The following TNFSF8 variants were observed in gnomAD, a reference collection of about 807,000 sequenced individuals.
The protein encoded by TNFSF8 is tumor necrosis factor ligand superfamily member 8.
Under a neutral mutation model 22.0 loss-of-function variants are expected in TNFSF8, and 4 were observed. The ratio of observed to expected loss-of-function variants is 0.18; its 90% confidence interval spans 0.09 to 0.42. The LOEUF is 0.42. TNFSF8 is among the 10% of genes least tolerant of loss of function. The pLI is 1.00. For missense variants in TNFSF8, 233 were observed against 281.8 expected, an observed-to-expected ratio of 0.83 and a Z score of 1.24; for synonymous variants, 106 against 112.5, an observed-to-expected ratio of 0.94 and a Z score of 0.37.
At chr9:114,894,268 T>G (rs1827635808) in intron 4 of TNFSF8, 1 of 916,726 alleles carries the variant, frequency 1.1e-6, no homozygotes. Flanking sequence ...GGGAGGCAAA[T>G]GTACAATCAT....
At chr9:114,915,104 T>C (rs1336212216) in intron 2 of TNFSF8, among the ~76,000 whole-genome samples, 2 of 152,144 alleles carry the variant, frequency 1.3e-5, no homozygotes, top group Non-Finnish European at 2.9e-5. Context: ...TGAAGCTTCC[T>C]CCCAAGAGTA....
chr9:114,930,086 G>A (rs1828119531), intron 1 of TNFSF8, 23 bp downstream of exon 1: 2 of 1,428,908 alleles, frequency 1.4e-6, no homozygotes, highest in Non-Finnish European at 1.8e-6. Context: ...GAAAAGGAAA[G>A]GGAGGAAGAG....
chr9:114,906,751 G>T (rs1282331693), intron 2 of TNFSF8, among the ~76,000 whole-genome samples: 5 of 152,016 alleles, frequency 3.3e-5, no homozygotes, highest in African/African-American at 7.3e-5. Flanking sequence ...CACTAGTGAT[G>T]GTGGCTTAGC....
chr9:114,904,388 C>A, intron 3 of TNFSF8, 63 bp from the exon 4 acceptor site: 1 of 1,525,982 alleles, frequency 6.6e-7, no homozygotes, highest in South Asian at 1.3e-5. Context: ...TTGCAAAATT[C>A]TAAGTCTTTG....
rs138262172 is a variant in TNFSF8 at position 114,893,657 on chromosome 9, A to G, written c.*422T>C. 5.7e-3 allele frequency: 953 copies of G among 166,428 alleles called. 10 individuals carry two copies. The highest frequency in any genetic ancestry group is 0.021 in the African/African-American group (889 of 41,824). The allele number at this position is 166,428 out of a possible 1,614,324, so 10.3% of individuals were successfully genotyped here. A position where few individuals can be genotyped will look rare whatever the true frequency, so the allele number is the denominator to read the frequency against. ...CTAGAACAACAAAGTGATTGTAGAT[A>G]AGAATGAGTCACCTAAACATTGGAA... On this transcript the variant is annotated 3_prime_UTR_variant, in exon 5 of 5. Transcript: ENST00000618336.
At chr9:114,905,443 G>A (rs75573992) in intron 3 of TNFSF8, among the ~76,000 whole-genome samples, 126 of 152,168 alleles carry the variant, frequency 8.3e-4, no homozygotes, top group African/African-American at 2.7e-3. Flanking sequence ...CAGAGATTAA[G>A]TGCCTGCCTC....
chr9:114,907,939 C>G (rs530860173), intron 2 of TNFSF8, among the ~76,000 whole-genome samples: 4 of 152,168 alleles, frequency 2.6e-5, no homozygotes, highest in Non-Finnish European at 5.9e-5. Context: ...GCTGCCTGAC[C>G]GCTGCCCGAA....
At chr9:114,917,978 C>T in intron 2 of TNFSF8, 118 bp downstream of exon 2, 1 of 1,011,912 alleles carries the variant, frequency 9.9e-7, no homozygotes, top group South Asian at 1.8e-5. Flanking sequence ...TCCACCCCTA[C>T]CCACTTTACT....
At chr9:114,921,359 A>G (rs559781381) in intron 1 of TNFSF8, among the ~76,000 whole-genome samples, 4 of 152,316 alleles carry the variant, frequency 2.6e-5, no homozygotes, top group Non-Finnish European at 4.4e-5. Flanking sequence ...CAGTCCATCA[A>G]GCTAATTTTA....
downstream of TNFSF8, among the ~76,000 whole-genome samples, chr9:114,898,548 G>A (rs895733067): frequency 1.3e-5 from 2 of 152,170 alleles, no homozygotes; most frequent in African/African-American, 4.8e-5. Context: ...TGTTAATTGA[G>A]TAGGAAGTGA....
At chr9:114,907,686 G>A (rs959192802) in intron 2 of TNFSF8, among the ~76,000 whole-genome samples, 1 of 152,052 alleles carries the variant, frequency 6.6e-6, no homozygotes, top group Non-Finnish European at 1.5e-5. Context: ...TAATAATAAC[G>A]AGGAGGAACA....
chr9:114,905,970 C>T, intron 2 of TNFSF8, 71 bp from the exon 3 acceptor site: 2 of 998,270 alleles, frequency 2.0e-6, no homozygotes, highest in Non-Finnish European at 3.2e-6. Flanking sequence ...TGATCTTTTT[C>T]TACAACACTT....
intron 1 of TNFSF8, among the ~76,000 whole-genome samples, chr9:114,926,088 T>C (rs1385658123): frequency 6.6e-6 from 1 of 152,246 alleles, no homozygotes; most frequent in Non-Finnish European, 1.5e-5. Context: ...TGTACAATTG[T>C]GCTTGCTCAA....
In TNFSF8 at chr9:114,902,147, T is replaced by C; in HGVS notation, c.*1784A>G. ...AAATAAGATGTTCCTCCAAAGATGA[T>C]GTACAGATGCCAAGTTGGATATAGC... On this transcript the variant is annotated 3_prime_UTR_variant, in exon 4 of 4. Coordinates refer to ENST00000223795, the MANE Select transcript of TNFSF8 (RefSeq NM_001244.4). 1.0e-6 allele frequency: 1 copy of C among 985,348 alleles called. No individual in the cohort carries two copies. The highest frequency in any genetic ancestry group is 1.2e-6 in the Non-Finnish European group (1 of 829,920). The allele number at this position is 985,348 out of a possible 1,614,324, so 61.0% of individuals were successfully genotyped here.
chr9:114,925,561 T>G (rs1828047019), intron 1 of TNFSF8, among the ~76,000 whole-genome samples: 1 of 152,146 alleles, frequency 6.6e-6, no homozygotes, highest in Middle Eastern at 3.2e-3. Flanking sequence ...TACCCTACAC[T>G]TCTATTTTGT....
At chr9:114,923,407 G>A (rs908008334) in intron 1 of TNFSF8, among the ~76,000 whole-genome samples, 7 of 151,990 alleles carry the variant, frequency 4.6e-5, no homozygotes, top group African/African-American at 1.7e-4. Flanking sequence ...ATTAAGAAAT[G>A]GCAAAACCAC....
Position 114,903,866 on chromosome 9 carries a change from G to T in TNFSF8, c.*65C>A. 6.5e-7 allele frequency: 1 copy of T among 1,530,192 alleles called. No individual in the cohort carries two copies. Among genetic ancestry groups the T allele is most frequent in the Non-Finnish European group, 8.7e-7 (1 of 1,143,978 alleles). 94.8% of individuals were successfully genotyped at this position (1,530,192 alleles called of 1,614,324 possible). A position where few individuals can be genotyped will look rare whatever the true frequency, so the allele number is the denominator to read the frequency against. On this transcript the variant is annotated 3_prime_UTR_variant, in exon 4 of 4. Transcript: ENST00000223795. ...TCTAAAGTTTTCTTTTTGCCCAAGT[G>T]TTTGGAGGGATGAAATACTGTATGG... is the stretch of plus-strand genomic sequence containing the variant.
At chr9:114,927,208 A>G (rs1587941990) in intron 1 of TNFSF8, among the ~76,000 whole-genome samples, 1 of 151,792 alleles carries the variant, frequency 6.6e-6, no homozygotes, top group South Asian at 2.1e-4. Flanking sequence ...GGCTTCAAAA[A>G]TATCACAGGA....
chr9:114,905,762 A>T, intron 3 of TNFSF8, 66 bp downstream of exon 3: 1 of 1,278,258 alleles, frequency 7.8e-7, no homozygotes, highest in Non-Finnish European at 1.1e-6. Flanking sequence ...CTTCTGGCTT[A>T]AAAGTTGCTG....
Sources: gnomAD v4.1 joint callset for allele counts (sites outside exome capture counted in the v4.1 genomes callset) on GRCh38, gnomAD v4.1.1 for gene constraint, MANE v1.5 for transcripts, NCBI Gene and HGNC (gene_info 2026-07-23, HGNC 2026-07-21) for gene names.